The following STX8 variants were observed in gnomAD, a reference collection of about 807,000 sequenced individuals.
The protein encoded by STX8 is syntaxin-8.
STX8 carries 23 observed loss-of-function variants against 37.5 expected under a neutral mutation model. The observed-to-expected ratio is 0.61, with a 90% CI of 0.44 to 0.87. STX8 has a LOEUF of 0.87. STX8 is among the 40% of genes least tolerant of loss of function. STX8 has a pLI of 0.00. For missense variants in STX8, 313 were observed against 284.7 expected (o/e 1.10, Z -0.71); for synonymous variants, 115 against 99.1 (o/e 1.16, Z -0.95).
intron 6 of STX8, among the ~76,000 whole-genome samples, chr17:9,433,222 C>T (rs950646288): frequency 6.6e-6 from 1 of 152,230 alleles, no homozygotes; most frequent in Admixed American, 6.5e-5. Context: ...GCCTGGACCC[C>T]AGGCCAGTGT....
intron 6 of STX8, among the ~76,000 whole-genome samples, chr17:9,414,805 T>G (rs1476001092): frequency 6.8e-6 from 1 of 147,962 alleles, no homozygotes; most frequent in African/African-American, 2.5e-5. Context: ...TTTTTTTTTT[T>G]TTGAGTTGGA....
chr17:9,568,283 G>A (rs1907537713), intron 2 of STX8, 88 bp downstream of exon 2: 2 of 933,452 alleles, frequency 2.1e-6, no homozygotes, highest in East Asian at 5.1e-5. Flanking sequence ...ACACACATGT[G>A]CACAGACAGC....
intron 7 of STX8, among the ~76,000 whole-genome samples, chr17:9,322,028 G>A (rs1435066724): frequency 6.6e-6 from 1 of 152,102 alleles, no homozygotes; most frequent in Non-Finnish European, 1.5e-5. Context: ...TGAACTTTTT[G>A]GCTCATGACT....
At chr17:9,273,997 C>T (rs921953270) in intron 7 of STX8, among the ~76,000 whole-genome samples, 1 of 152,208 alleles carries the variant, frequency 6.6e-6, no homozygotes, top group East Asian at 1.9e-4. Flanking sequence ...AACTGAATCA[C>T]AATCCACATT....
At chr17:9,334,301 T>C (rs1019829670) in intron 7 of STX8, among the ~76,000 whole-genome samples, 1 of 152,212 alleles carries the variant, frequency 6.6e-6, no homozygotes, top group Non-Finnish European at 1.5e-5. Flanking sequence ...TCCAGCTACA[T>C]GACTCCTAAA....
chr17:9,526,276 A>T (rs1905566507), intron 4 of STX8, among the ~76,000 whole-genome samples: 1 of 152,060 alleles, frequency 6.6e-6, no homozygotes. Flanking sequence ...CTTCTCTAAG[A>T]ATCAGTCTCC....
intron 4 of STX8, among the ~76,000 whole-genome samples, chr17:9,538,952 CA>C (rs1244373360): frequency 1.3e-5 from 2 of 151,916 alleles, no homozygotes; most frequent in African/African-American, 2.4e-5. Context: ...GGTTTTAAAT[CA>C]GAAGCTGTGT....
chr17:9,549,655 C>T (rs557738322), intron 3 of STX8, among the ~76,000 whole-genome samples: 4 of 152,110 alleles, frequency 2.6e-5, no homozygotes, highest in African/African-American at 9.6e-5. Context: ...GAAAACAATC[C>T]AATTAGGAAC....
At chr17:9,505,721 A>G (rs1904798223) in intron 4 of STX8, among the ~76,000 whole-genome samples, 1 of 152,030 alleles carries the variant, frequency 6.6e-6, no homozygotes, top group African/African-American at 2.4e-5. Flanking sequence ...CGGGCAGATC[A>G]CCTGAAGTCA....
rs1404634394 is a variant in STX8 at position 9,507,277 on chromosome 17, C to A, written c.324-2115G>T. Among the ~76,000 whole-genome samples the A allele has an allele frequency of 6.6e-6, 1 of 151,898 alleles. No individual in the cohort carries two copies. Among genetic ancestry groups the A allele is most frequent in the East Asian group, 1.9e-4 (1 of 5,156 alleles). On this transcript the variant is annotated intron_variant, in intron 4 of 7. Transcript: ENST00000306357. This position sits in a 1 kb window ranked among gnomAD's most constrained non-coding sequence, Gnocchi z 4.0. ...TGCAGGCTGCCCCTGGCAGACATAC[C>A]CCCAGGCCAGCCAAGTAGCCATGTG...
intron 6 of STX8, among the ~76,000 whole-genome samples, chr17:9,419,218 T>C (rs1010087574): frequency 2.6e-5 from 4 of 151,932 alleles, no homozygotes; most frequent in Admixed American, 2.0e-4. Flanking sequence ...TGTATCACCA[T>C]GCCCAGTTCG....
At chr17:9,548,707 G>A (rs1188860545) in intron 3 of STX8, among the ~76,000 whole-genome samples, 1 of 152,062 alleles carries the variant, frequency 6.6e-6, no homozygotes, top group Non-Finnish European at 1.5e-5. Context: ...CTTACTAAGT[G>A]TTTACATGAA....
In STX8 at chr17:9,466,039, C is replaced by T. The variant is rs562488044; in HGVS notation, c.541+25790G>A. Among the ~76,000 whole-genome samples, 27 of 151,982 alleles carry T rather than the reference C, an allele frequency of 1.8e-4. 1 individual carries two copies. The South Asian group carries it at 3.9e-3, about 22-fold the overall frequency. Reference sequence around the variant, plus strand: ...AGGCTGGAGTGCACTGGCGCAATCTCGGCTCACTGCAACCTCTGCCTCCTG... The same window carrying T: ...AGGCTGGAGTGCACTGGCGCAATCTTGGCTCACTGCAACCTCTGCCTCCTG... On this transcript the variant is annotated intron_variant, in intron 6 of 7. Transcript: ENST00000306357.
chr17:9,445,030 T>C (rs1390840551), intron 6 of STX8, among the ~76,000 whole-genome samples: 5 of 152,134 alleles, frequency 3.3e-5, no homozygotes, highest in African/African-American at 9.7e-5. Flanking sequence ...TGGTGACAGA[T>C]TGATGTGTAG....
At chr17:9,417,383 C>T (rs113174674) in intron 6 of STX8, among the ~76,000 whole-genome samples, 1 of 152,060 alleles carries the variant, frequency 6.6e-6, no homozygotes. Flanking sequence ...CCTGGAATCA[C>T]CTAGAGGAGC....
chr17:9,539,356 A>G (rs1313722948), intron 4 of STX8, among the ~76,000 whole-genome samples: 1 of 152,122 alleles, frequency 6.6e-6, no homozygotes, highest in Non-Finnish European at 1.5e-5. Context: ...AAAAAGAGGG[A>G]AACAGAGGTA....
chr17:9,474,412 A>G (rs1022061854), intron 6 of STX8, among the ~76,000 whole-genome samples: 1 of 152,034 alleles, frequency 6.6e-6, no homozygotes, highest in African/African-American at 2.4e-5. Flanking sequence ...TCACTCTGTC[A>G]CCCAGACTGG....
chr17:9,501,242 G>A (rs1904599411), intron 5 of STX8, among the ~76,000 whole-genome samples: 1 of 152,080 alleles, frequency 6.6e-6, no homozygotes, highest in Non-Finnish European at 1.5e-5. Flanking sequence ...AAATGCAAAA[G>A]ACCTAGAATA....
intron 6 of STX8, among the ~76,000 whole-genome samples, chr17:9,474,099 T>A (rs533127595): frequency 2.3e-4 from 35 of 152,216 alleles, no homozygotes; most frequent in African/African-American, 7.9e-4. Context: ...AGGGAGCTGC[T>A]GGATTGGTGA....
Sources: allele counts gnomAD v4.1 joint callset (sites outside exome capture counted in the v4.1 genomes callset), GRCh38; gene constraint gnomAD v4.1.1; non-coding constraint Gnocchi (gnomAD v3.1); transcripts MANE v1.5; gene names NCBI Gene and HGNC (gene_info 2026-07-23, HGNC 2026-07-21).